Variants in KLRG1 observed in about 807,000 individuals in gnomAD.
KLRG1 encodes the protein killer cell lectin like receptor G1.
A neutral mutation model predicts 21.8 loss-of-function variants in KLRG1; 16 were observed. That is an observed-to-expected ratio of 0.73 (90% CI 0.50 to 1.11). The LOEUF is 1.11. KLRG1 is among the 50% of genes most tolerant of loss of function. The pLI is 0.00. For synonymous variants in KLRG1, 69 were observed against 75.9 expected, an observed-to-expected ratio of 0.91 and a Z score of 0.47; for missense variants, 173 against 218.3, an observed-to-expected ratio of 0.79 and a Z score of 1.31.
chr12:8,985,070 A>C (rs1197258941), upstream of KLRG1, among the ~76,000 whole-genome samples: 1 of 152,044 alleles, frequency 6.6e-6, no homozygotes, highest in Non-Finnish European at 1.5e-5. Flanking sequence ...CCAGTTTTCC[A>C]CTAATGCTCT....
intron 2 of KLRG1, 147 bp from the exon 3 acceptor site, chr12:8,994,972 C>T (rs932258379): frequency 5.4e-5 from 32 of 594,368 alleles, no homozygotes; most frequent in Non-Finnish European, 7.8e-5. Flanking sequence ...ATTGACACCA[C>T]GCATTGTTAC....
At chr12:8,979,172 G>A (rs1438951702) in intron 1 of KLRG1, among the ~76,000 whole-genome samples, 1 of 151,204 alleles carries the variant, frequency 6.6e-6, no homozygotes, top group Non-Finnish European at 1.5e-5. Context: ...CCATCACCAT[G>A]CCTGGTTAAT....
At chr12:9,068,842 C>A in the KLRG1 span, 1 of 1,585,830 alleles carries the variant, frequency 6.3e-7, no homozygotes, top group African/African-American at 1.3e-5. Context: ...TGATTTGACA[C>A]CTGGAAAGCA....
At chr12:8,989,979 C>T (rs1351697357) in intron 1 of KLRG1, among the ~76,000 whole-genome samples, 4 of 152,152 alleles carry the variant, frequency 2.6e-5, no homozygotes, top group Admixed American at 6.5e-5. Flanking sequence ...AGGGCATTGC[C>T]GTTATTCCTT....
the KLRG1 span, among the ~76,000 whole-genome samples, chr12:9,018,889 A>ACCC: frequency 6.6e-6 from 1 of 152,174 alleles, no homozygotes; most frequent in Non-Finnish European, 1.5e-5. Context: ...CTTGAGTAAT[A>ACCC]CCCCACAAGC....
At chr12:9,098,455 C>A in the KLRG1 span, 13 of 558,384 alleles carry the variant, frequency 2.3e-5, no homozygotes, top group Non-Finnish European at 2.2e-5. Flanking sequence ...TATATAATTC[C>A]TTACCAATGA....
At chr12:8,992,747 A>G (rs1947012059) in intron 2 of KLRG1, among the ~76,000 whole-genome samples, 3 of 151,700 alleles carry the variant, frequency 2.0e-5, no homozygotes, top group Admixed American at 2.0e-4. Context: ...CATGTTGCCC[A>G]GGCTGATCTC....
the KLRG1 span, chr12:9,196,669 C>A: frequency 1.9e-6 from 3 of 1,610,328 alleles, no homozygotes; most frequent in Admixed American, 5.0e-5. Context: ...TTGGGTGATG[C>A]AGCCATTGCT....
chr12:9,192,545 C>T, the KLRG1 span: 1 of 1,614,040 alleles, frequency 6.2e-7, no homozygotes, highest in African/African-American at 1.3e-5. Context: ...ATAACTCTCC[C>T]ATGGCCTGTC....
chr12:9,201,451 C>G, the KLRG1 span: 1 of 847,896 alleles, frequency 1.2e-6, no homozygotes, highest in East Asian at 2.5e-5. Context: ...TTATCTGTAG[C>G]TAAATTCAAC....
At chr12:9,105,379 A>C in the KLRG1 span, among the ~76,000 whole-genome samples, 2 of 152,236 alleles carry the variant, frequency 1.3e-5, no homozygotes, top group Non-Finnish European at 2.9e-5. Flanking sequence ...GAAATTTACA[A>C]ATGAGCTACA....
the KLRG1 span, among the ~76,000 whole-genome samples, chr12:9,173,141 A>G: frequency 6.6e-6 from 1 of 152,258 alleles, no homozygotes; most frequent in African/African-American, 2.4e-5. Context: ...CGACAGTGCA[A>G]TCAACTTAGA....
the KLRG1 span, among the ~76,000 whole-genome samples, chr12:9,144,485 C>G: frequency 6.6e-6 from 1 of 152,130 alleles, no homozygotes; most frequent in African/African-American, 2.4e-5. Flanking sequence ...AGAGCCTCTA[C>G]CCACAACACC....
At chr12:8,993,423 G>A (rs1318756544) in intron 2 of KLRG1, among the ~76,000 whole-genome samples, 1 of 151,938 alleles carries the variant, frequency 6.6e-6, no homozygotes, top group Non-Finnish European at 1.5e-5. Context: ...CGAGTAGCTG[G>A]GATTACAGGC....
At chr12:8,961,211 A>G (rs1255019707) in intron 1 of KLRG1, among the ~76,000 whole-genome samples, 3 of 152,170 alleles carry the variant, frequency 2.0e-5, no homozygotes, top group Non-Finnish European at 2.9e-5. Flanking sequence ...CTACACTGTA[A>G]ATAGTAATGT....
the KLRG1 span, chr12:9,064,952 G>A: frequency 6.6e-6 from 1 of 152,326 alleles, no homozygotes; most frequent in Non-Finnish European, 1.5e-5. The surrounding 1 kb of genome is among the most constrained non-coding windows in gnomAD (Gnocchi z 4.0). Flanking sequence ...GGTGACCGCC[G>A]AGCTAGACGC....
the KLRG1 span, among the ~76,000 whole-genome samples, chr12:9,180,367 G>C: frequency 2.6e-5 from 4 of 152,142 alleles, no homozygotes; most frequent in Non-Finnish European, 5.9e-5. Flanking sequence ...AAAGAACAAA[G>C]CTGGAGGCAT....
chr12:9,090,641 C>T, the KLRG1 span: 4 of 707,300 alleles, frequency 5.7e-6, no homozygotes, highest in Non-Finnish European at 9.0e-6. Flanking sequence ...TTAAGTGGAT[C>T]TTAATGTATC....
the KLRG1 span, among the ~76,000 whole-genome samples, chr12:9,025,162 G>A: frequency 1.1e-3 from 163 of 152,286 alleles, no homozygotes; most frequent in Middle Eastern, 6.8e-3. Flanking sequence ...ATCATACAAG[G>A]TAAGGAAATG....
Sources: gnomAD v4.1 joint callset for allele counts (sites outside exome capture counted in the v4.1 genomes callset) on GRCh38, gnomAD v4.1.1 for gene constraint, Gnocchi (gnomAD v3.1) non-coding constraint, MANE v1.5 for transcripts, NCBI Gene and HGNC (gene_info 2026-07-23, HGNC 2026-07-21) for gene names.